CCDC148: variants seen among roughly 807,000 people sequenced by gnomAD.
The protein encoded by CCDC148 is coiled-coil domain-containing protein 148.
A neutral mutation model predicts 85.7 loss-of-function variants in CCDC148; 89 were observed. The ratio of observed to expected loss-of-function variants is 1.04; its 90% CI spans 0.87 to 1.24. CCDC148 has a LOEUF of 1.24. CCDC148 is among the 50% of genes most tolerant of loss of function. CCDC148 has a pLI of 0.00. For synonymous variants in CCDC148, 230 were observed against 213.9 expected (o/e 1.08, Z -0.66); for missense variants, 692 against 671.7 (o/e 1.03, Z -0.33).
intron 1 of CCDC148, among the ~76,000 whole-genome samples, chr2:158,419,712 A>C (rs1484217072): frequency 6.6e-6 from 1 of 152,194 alleles, no homozygotes; most frequent in Non-Finnish European, 1.5e-5. Context: ...TATGGTAATC[A>C]GGAGTATGTG....
chr2:158,355,433 C>T (rs1486620220), intron 2 of CCDC148, among the ~76,000 whole-genome samples: 1 of 152,066 alleles, frequency 6.6e-6, no homozygotes, highest in Non-Finnish European at 1.5e-5. Context: ...TATATACCAG[C>T]AACAGAAAAA....
intron 1 of CCDC148, among the ~76,000 whole-genome samples, chr2:158,445,377 C>T (rs1688117187): frequency 6.6e-6 from 1 of 152,124 alleles, no homozygotes; most frequent in Non-Finnish European, 1.5e-5. Context: ...CCAAAGGCTA[C>T]TCCTCTCAAT....
intron 1 of CCDC148, among the ~76,000 whole-genome samples, chr2:158,434,522 C>G (rs185942459): frequency 3.9e-5 from 6 of 152,236 alleles, no homozygotes; most frequent in Non-Finnish European, 7.4e-5. Flanking sequence ...GATGGGGTAA[C>G]CAGAGCAGAA....
intron 9 of CCDC148, among the ~76,000 whole-genome samples, chr2:158,276,472 C>A (rs1157935927): frequency 6.6e-6 from 1 of 151,800 alleles, no homozygotes; most frequent in African/African-American, 2.4e-5. Flanking sequence ...AAAAAAACTG[C>A]CTCGTTATGG....
chr2:158,364,959 T>C (rs1454970996), intron 1 of CCDC148, among the ~76,000 whole-genome samples: 2 of 152,042 alleles, frequency 1.3e-5, no homozygotes, highest in African/African-American at 4.8e-5. Flanking sequence ...CTTAAACAAA[T>C]TTACAAGAAA....
intron 7 of CCDC148, among the ~76,000 whole-genome samples, chr2:158,337,042 T>A (rs1682423838): frequency 6.6e-6 from 1 of 152,202 alleles, no homozygotes; most frequent in Non-Finnish European, 1.5e-5. Context: ...AATTTTAATG[T>A]AGCTGTGAAT....
chr2:158,341,303 A>C (rs550020417), intron 3 of CCDC148, among the ~76,000 whole-genome samples: 172 of 117,068 alleles, frequency 1.5e-3, no homozygotes, highest in African/African-American at 5.8e-3. Context: ...ATATGTGTAC[A>C]TACATATTTT....
intron 1 of CCDC148, among the ~76,000 whole-genome samples, chr2:158,407,492 A>T (rs1686076879): frequency 6.6e-6 from 1 of 152,178 alleles, no homozygotes; most frequent in Non-Finnish European, 1.5e-5. Context: ...ATCAAAATAC[A>T]TGAGATTTTT....
chr2:158,346,059 C>T (rs1483401033), intron 2 of CCDC148, among the ~76,000 whole-genome samples: 3 of 152,178 alleles, frequency 2.0e-5, no homozygotes, highest in Admixed American at 6.5e-5. Context: ...CTCAATTTTA[C>T]TACTTTTTAA....
At chr2:158,440,302 A>C (rs1687876175) in intron 1 of CCDC148, among the ~76,000 whole-genome samples, 1 of 152,236 alleles carries the variant, frequency 6.6e-6, no homozygotes, top group South Asian at 2.1e-4. Context: ...ACTGTTAAAT[A>C]GTTAAACATA....
At chr2:158,275,076 A>G (rs1689867232) in intron 9 of CCDC148, among the ~76,000 whole-genome samples, 2 of 152,252 alleles carry the variant, frequency 1.3e-5, no homozygotes, top group Admixed American at 6.5e-5. Flanking sequence ...AGGAGGAGGA[A>G]GAAGAAACAC....
rs1038067310 is a variant in CCDC148, at chr2:158,302,739, G to A, written c.1110+6694C>T. Among the ~76,000 whole-genome samples, 12 of 151,502 alleles carry A rather than the reference G, an allele frequency of 7.9e-5. No individual in the cohort carries two copies. In the East Asian group the frequency reaches 1.2e-3, roughly 15 times the overall value. ...TTGGAGGTTGCAGTGAGCCGAGATC[G>A]TGCCACTGCACTCCAGCCTGGTGAC... On this transcript the variant is annotated intron_variant, in intron 9 of 13. Transcript: ENST00000283233.
intron 1 of CCDC148, among the ~76,000 whole-genome samples, chr2:158,440,867 T>C (rs1425626097): frequency 2.6e-5 from 4 of 152,132 alleles, no homozygotes; most frequent in Non-Finnish European, 4.4e-5. Flanking sequence ...TTTTGTCTGA[T>C]AGCTGTTCAA....
intron 9 of CCDC148, among the ~76,000 whole-genome samples, chr2:158,270,813 C>T (rs1335392880): frequency 6.6e-6 from 1 of 152,064 alleles, no homozygotes; most frequent in East Asian, 1.9e-4. Flanking sequence ...GAGTACTTTT[C>T]CAATTATAGA....
chr2:158,330,536 G>A (rs1693044415), intron 7 of CCDC148, among the ~76,000 whole-genome samples: 1 of 152,188 alleles, frequency 6.6e-6, no homozygotes. Context: ...ATGAGTTAGG[G>A]AGGATTCCCT....
At chr2:158,226,644 G>A (rs1312463436) in intron 10 of CCDC148, among the ~76,000 whole-genome samples, 1 of 152,186 alleles carries the variant, frequency 6.6e-6, no homozygotes, top group African/African-American at 2.4e-5. Context: ...TGCAAGGCTG[G>A]TTCAACATAC....
chr2:158,448,754 A>G (rs1334879411), intron 1 of CCDC148, among the ~76,000 whole-genome samples: 4 of 152,022 alleles, frequency 2.6e-5, no homozygotes, highest in African/African-American at 9.7e-5. Context: ...TGTTTTCTAA[A>G]ATTTATTCTT....
intron 1 of CCDC148, among the ~76,000 whole-genome samples, chr2:158,429,895 G>T (rs1393588556): frequency 6.6e-6 from 1 of 152,162 alleles, no homozygotes; most frequent in Admixed American, 6.6e-5. Flanking sequence ...CATACAACAG[G>T]GAGAGCATTC....
chr2:158,380,458 G>A (rs1684824173), intron 1 of CCDC148, among the ~76,000 whole-genome samples: 1 of 152,148 alleles, frequency 6.6e-6, no homozygotes, highest in African/African-American at 2.4e-5. Context: ...CTGAAAGACT[G>A]AATTCCAGGT....
Sources: allele counts gnomAD v4.1 joint callset (sites outside exome capture counted in the v4.1 genomes callset), GRCh38; gene constraint gnomAD v4.1.1; transcripts MANE v1.5; gene names NCBI Gene and HGNC (gene_info 2026-07-23, HGNC 2026-07-21).